Variants in STK10 observed in about 807,000 individuals in gnomAD.
STK10 encodes serine/threonine kinase 10.
In STK10, 78 loss-of-function variants were observed where a neutral mutation model predicts 113.8. That is an observed-to-expected ratio of 0.69 (90% CI 0.57 to 0.83). The LOEUF is 0.83. Ranked by LOEUF, STK10 falls within the 40% of genes least tolerant of loss-of-function variation. STK10 has a pLI of 0.00. For synonymous variants in STK10, 465 were observed against 494.7 expected, an observed-to-expected ratio of 0.94 and a Z score of 0.80; for missense variants, 1,109 against 1,280.1, an observed-to-expected ratio of 0.87 and a Z score of 2.04.
At chr5:172,160,152 A>G (rs1023951520) in intron 1 of STK10, among the ~76,000 whole-genome samples, 6 of 137,216 alleles carry the variant, frequency 4.4e-5, no homozygotes, top group African/African-American at 1.5e-4. Context: ...AAAAGAAAGA[A>G]AAAAAAACCA....
intron 12 of STK10, among the ~76,000 whole-genome samples, chr5:172,075,693 T>TA (rs1376510890): frequency 2.0e-5 from 3 of 151,874 alleles, no homozygotes; most frequent in East Asian, 1.9e-4. Flanking sequence ...GATAAATAAA[T>TA]AAATAAAATA....
At chr5:172,165,350 A>G (rs1770550407) in intron 1 of STK10, among the ~76,000 whole-genome samples, 2 of 152,358 alleles carry the variant, frequency 1.3e-5, no homozygotes, top group African/African-American at 2.4e-5. Flanking sequence ...CCAGGGTCCC[A>G]TCTGTGACAC....
intron 12 of STK10, among the ~76,000 whole-genome samples, chr5:172,077,999 T>C (rs1581143688): frequency 6.9e-6 from 1 of 145,438 alleles, no homozygotes; most frequent in African/African-American, 2.6e-5. Flanking sequence ...GTGGGGGGGG[T>C]CTCGTCCCTT....
At chr5:172,078,781 G>A (rs1281259709) in intron 12 of STK10, among the ~76,000 whole-genome samples, 1 of 137,946 alleles carries the variant, frequency 7.2e-6, no homozygotes, top group African/African-American at 2.9e-5. Context: ...GCTCTGCCTC[G>A]TTCAGAGGCA....
chr5:172,170,867 G>A (rs1005967725), intron 1 of STK10, among the ~76,000 whole-genome samples: 15 of 152,152 alleles, frequency 9.9e-5, no homozygotes, highest in South Asian at 8.3e-4. Flanking sequence ...CAGGCTCCTC[G>A]CTACCCAGAG....
In STK10 at chr5:172,128,946, T is replaced by G. The variant is rs571090545; in HGVS notation, c.322-1525A>C. On this transcript the variant is annotated intron_variant, in intron 2 of 18. Coordinates refer to ENST00000176763, the MANE Select transcript of STK10 (RefSeq NM_005990.4). ...TTACCTTCCAGGAGCCTCCTGGCAA[T>G]GTAAATATGACCCTGAGGTCATGTG... is the stretch of plus-strand genomic sequence containing the variant. Among the ~76,000 whole-genome samples, 28 of 152,258 alleles carry G rather than the reference T, an allele frequency of 1.8e-4. 1 individual carries two copies. In the South Asian group the frequency reaches 3.5e-3, roughly 19 times the overall value.
At position 172,117,391 on chromosome 5, in the gene STK10, G is replaced by C. The variant is rs1769411118; in HGVS notation, c.520+90C>G. ...GCGTGAGGACCCCACACCCCCATGA[G>C]GTCCACACTCCCACTGGCCTGCAGA... is the stretch of plus-strand genomic sequence containing the variant. On this transcript the variant is annotated intron_variant, in intron 4 of 18. Coordinates refer to ENST00000176763, the MANE Select transcript of STK10 (RefSeq NM_005990.4). The C allele has an allele frequency of 4.6e-6, 7 of 1,525,776 alleles. No homozygotes were observed. The Admixed American group carries it at 1.1e-4, about 23-fold the overall frequency. The allele number at this position is 1,525,776 out of a possible 1,614,324, so 94.5% of individuals were successfully genotyped here. A position where few individuals can be genotyped will look rare whatever the true frequency, so the allele number is the denominator to read the frequency against.
intron 18 of STK10, among the ~76,000 whole-genome samples, chr5:172,052,122 A>G (rs1176441736): frequency 2.6e-5 from 4 of 152,208 alleles, no homozygotes; most frequent in Admixed American, 6.5e-5. Flanking sequence ...TGATTTAATC[A>G]CATGAGCACA....
chr5:172,107,884 AC>A (rs2113766296), intron 4 of STK10, 32 bp from the exon 5 acceptor site: 1 of 1,609,072 alleles, frequency 6.2e-7, no homozygotes, highest in Non-Finnish European at 8.5e-7. Flanking sequence ...AGCGTTTTCC[AC>A]CCATAGCCCT....
At chr5:172,180,862 AC>A (rs1324522558) in intron 1 of STK10, among the ~76,000 whole-genome samples, 1 of 152,188 alleles carries the variant, frequency 6.6e-6, no homozygotes, top group Non-Finnish European at 1.5e-5. Context: ...TCATCAAGAT[AC>A]AGTTGGCTCT....
chr5:172,156,594 GA>G, intron 2 of STK10, 29 bp downstream of exon 2: 1 of 1,601,488 alleles, frequency 6.2e-7, no homozygotes, highest in Non-Finnish European at 8.5e-7. Context: ...CATGGGGGCT[GA>G]GCTGGGACAG....
chr5:172,085,550 A>G (rs966803083), intron 10 of STK10, among the ~76,000 whole-genome samples: 1 of 151,670 alleles, frequency 6.6e-6, no homozygotes, highest in African/African-American at 2.4e-5. Context: ...TTAGCCAGGT[A>G]TGGTGGTGCA....
intron 18 of STK10, chr5:172,045,527 C>T (rs766774482): frequency 2.3e-6 from 1 of 438,408 alleles, no homozygotes; most frequent in South Asian, 1.6e-5. Flanking sequence ...GTGCCTTTGC[C>T]TAAACCCAGA....
chr5:172,054,536 T>TGGGGGC (rs781208691), intron 17 of STK10, 33 bp downstream of exon 17: 2 of 1,596,390 alleles, frequency 1.3e-6, no homozygotes, highest in East Asian at 4.5e-5. Context: ...TGAGGCAGCC[T>TGGGGGC]GGGGGCAGGG....
At chr5:172,106,401 C>CAGAAAAAAAA (rs1475870342) in intron 6 of STK10, among the ~76,000 whole-genome samples, 1,763 of 53,330 alleles carry the variant, frequency 0.033, 133 homozygotes, top group African/African-American at 0.094. Flanking sequence ...GACCCTATCT[C>CAGAAAAAAAA]AAAAAAAAAA....
At chr5:172,180,827 T>C (rs1770842209) in intron 1 of STK10, among the ~76,000 whole-genome samples, 1 of 152,048 alleles carries the variant, frequency 6.6e-6, no homozygotes, top group Admixed American at 6.6e-5. Flanking sequence ...TAAAATAACA[T>C]ACAGCAAGAA....
At chr5:172,172,509 G>T (rs1414770282) in intron 1 of STK10, among the ~76,000 whole-genome samples, 1 of 152,206 alleles carries the variant, frequency 6.6e-6, no homozygotes, top group Admixed American at 6.5e-5. Context: ...CTTGGCACTG[G>T]CCTCATGATG....
At chr5:172,140,418 C>T (rs1769950217) in intron 2 of STK10, among the ~76,000 whole-genome samples, 1 of 152,172 alleles carries the variant, frequency 6.6e-6, no homozygotes, top group South Asian at 2.1e-4. Context: ...ACTACTTGGC[C>T]AGGTGTGGTG....
intron 14 of STK10, 132 bp from the exon 15 acceptor site, chr5:172,057,605 C>A: frequency 7.2e-7 from 1 of 1,392,406 alleles, no homozygotes; most frequent in Non-Finnish European, 9.5e-7. Flanking sequence ...GGAATTGCCA[C>A]ATGTTCTACC....
Sources: gnomAD v4.1 joint callset for allele counts (sites outside exome capture counted in the v4.1 genomes callset) on GRCh38, gnomAD v4.1.1 for gene constraint, MANE v1.5 for transcripts, NCBI Gene and HGNC (gene_info 2026-07-23, HGNC 2026-07-21) for gene names.